Variants in METTL3 observed in about 807,000 individuals in gnomAD.
METTL3 encodes N(6)-adenosine-methyltransferase catalytic subunit METTL3.
A neutral mutation model predicts 64.3 loss-of-function variants in METTL3; 42 were observed. That is an observed-to-expected ratio of 0.65 (90% CI 0.51 to 0.84). The LOEUF is 0.84. Ranked by LOEUF, METTL3 falls within the 40% of genes least tolerant of loss-of-function variation. METTL3 has a pLI of 0.00. For missense variants in METTL3, 435 were observed against 722.3 expected (o/e 0.60, Z 4.56); for synonymous variants, 256 against 263.6 (o/e 0.97, Z 0.28).
intron 1 of METTL3, chr14:21,508,204 A>C (rs1197519137): frequency 6.6e-6 from 1 of 152,284 alleles, no homozygotes; most frequent in Admixed American, 6.6e-5. Context: ...TCGAGACTGC[A>C]GTAAGCTGTG....
In METTL3 at chr14:21,506,010, A is replaced by G. The variant is rs568944201; in HGVS notation, c.101-2129T>C. On this transcript the variant is annotated intron_variant, in intron 1 of 10. Coordinates refer to ENST00000298717, the MANE Select transcript of METTL3 (RefSeq NM_019852.5). ...TACTGGAGCACTTCACATATTTACT[A>G]TGTGCTAAACCTGGCCAAATATAGT... 4.6e-5 allele frequency among the ~76,000 whole-genome samples: 7 copies of G among 152,286 alleles called. No homozygotes were observed. The Middle Eastern group carries it at 0.01, about 222-fold the overall frequency.
rs763660074 is a variant in METTL3, at chr14:21,503,769, T to C, written c.213A>G (p.Glu71=). 1.2e-6 allele frequency: 2 copies of C among 1,614,236 alleles called. No homozygotes were observed. Among genetic ancestry groups the C allele is most frequent in the Non-Finnish European group, 1.7e-6 (2 of 1,180,052 alleles). Residue 71 remains glutamate, a synonymous_variant, in exon 2 of 11, where the codon GAA becomes GAG. Transcript: ENST00000298717. ...PKPSTASAVP[E]LATDPELEKK... ...TCTCTAACTCAGGATCTGTAGCTAA[T>C]TCAGGAACTGCTGAAGCTGTGCTGG...
At chr14:21,500,364 AAAAAAAG>A in intron 6 of METTL3, 124 bp downstream of exon 6, 5 of 746,112 alleles carry the variant, frequency 6.7e-6, no homozygotes, top group African/African-American at 2.7e-5. Flanking sequence ...ACTCTCTCAA[AAAAAAAG>A]AAAAAAAGAC....
chr14:21,508,875 CAA>C (rs1414997028), intron 1 of METTL3, among the ~76,000 whole-genome samples: 2 of 152,120 alleles, frequency 1.3e-5, no homozygotes, highest in Non-Finnish European at 2.9e-5. Flanking sequence ...GCCTGGGCAA[CAA>C]GAGCGAAACT....
chr14:21,499,474 G>C lies in METTL3; in HGVS notation c.1452+18C>G. ...TCTTTGTGCTCCACCTATTGAATTG[G>C]GCCCCACTGCTGCTCACCAAGCAGT... is the stretch of plus-strand genomic sequence containing the variant. On this transcript the variant is annotated intron_variant, in intron 8 of 10. Coordinates refer to ENST00000298717, the MANE Select transcript of METTL3 (RefSeq NM_019852.5). The C allele has an allele frequency of 4.3e-6, 7 of 1,610,148 alleles. No homozygotes were observed. Among genetic ancestry groups the C allele is most frequent in the Non-Finnish European group, 5.9e-6 (7 of 1,176,526 alleles).
At chr14:21,500,775 T>A in intron 5 of METTL3, 93 bp from the exon 6 acceptor site, 2 of 1,463,208 alleles carry the variant, frequency 1.4e-6, no homozygotes, top group Non-Finnish European at 1.9e-6. Context: ...CCTATTCCCT[T>A]AAAAGCTTAT....
chr14:21,506,057 T>G (rs960179351), intron 1 of METTL3, among the ~76,000 whole-genome samples: 1 of 149,270 alleles, frequency 6.7e-6, no homozygotes, highest in African/African-American at 2.4e-5. Flanking sequence ...AAAATAAAGT[T>G]TTTTTTTTTG....
Position 21,507,430 on chromosome 14 carries a change from T to C in METTL3, c.101-3549A>G, listed in dbSNP as rs376229859. Reference sequence around the variant, plus strand: ...ATCCCAGCAATTTGAGAGGCCGAGATGGGCGGATCACGAGGTCAGGAGATC... The same window carrying C: ...ATCCCAGCAATTTGAGAGGCCGAGACGGGCGGATCACGAGGTCAGGAGATC... On this transcript the variant is annotated intron_variant, in intron 1 of 10. Transcript: ENST00000298717. 9.9e-5 allele frequency among the ~76,000 whole-genome samples: 15 copies of C among 152,188 alleles called. No homozygotes were observed. In the East Asian group the frequency reaches 1.4e-3, roughly 14 times the overall value.
chr14:21,510,901 C>G (rs1027024761), intron 1 of METTL3: 22 of 519,344 alleles, frequency 4.2e-5, no homozygotes, highest in Admixed American at 2.2e-4. Flanking sequence ...AGCGTCCGTC[C>G]GGTAAAAGTG....
intron 1 of METTL3, among the ~76,000 whole-genome samples, chr14:21,508,924 C>A (rs111831899): frequency 6.6e-6 from 1 of 152,076 alleles, no homozygotes; most frequent in African/African-American, 2.4e-5. Context: ...TGATGAGGAA[C>A]AATTAAAACC....
At position 21,511,185 on chromosome 14, in the gene METTL3, C is replaced by T. The variant is rs1285362756; in HGVS notation, c.39G>A (p.Lys13=). ...DTWSSIQAHK[K]QLDSLRERLQ... is the part of the protein sequence containing the mutation. ...GCCTCTCCCGCAGAGAGTCCAGCTGCTTCTTGTGGGCCTGGATAGAGCTCC... is the reference window on the plus strand; with the variant it reads ...GCCTCTCCCGCAGAGAGTCCAGCTGTTTCTTGTGGGCCTGGATAGAGCTCC... The change falls in exon 1 of 11, where the codon AAG becomes AAA. Residue 13 remains lysine, a synonymous_variant. Coordinates refer to ENST00000298717, the MANE Select transcript of METTL3 (RefSeq NM_019852.5). 1 of 1,614,126 alleles carries T rather than the reference C, an allele frequency of 6.2e-7. No individual in the cohort carries two copies. Among genetic ancestry groups the T allele is most frequent in the Non-Finnish European group, 8.5e-7 (1 of 1,180,012 alleles).
At chr14:21,501,351 A>G in intron 4 of METTL3, 4 of 572,312 alleles carry the variant, frequency 7.0e-6, no homozygotes, top group Non-Finnish European at 1.2e-5. Flanking sequence ...TTCCTGTTTT[A>G]CCACTGGAAG....
intron 3 of METTL3, 61 bp downstream of exon 3, chr14:21,503,112 C>T: frequency 6.6e-7 from 1 of 1,526,116 alleles, no homozygotes; most frequent in Non-Finnish European, 8.8e-7. Context: ...AGGGGTAAAT[C>T]CCTGTCAAAC....
chr14:21,498,200 T>G lies in METTL3; in HGVS notation c.*58A>C. 1 of 981,708 alleles carries G rather than the reference T, an allele frequency of 1.0e-6. No individual in the cohort carries two copies. Among genetic ancestry groups the G allele is most frequent in the Non-Finnish European group, 1.6e-6 (1 of 609,484 alleles). 60.8% of individuals were successfully genotyped at this position (981,708 alleles called of 1,614,324 possible). A position where few individuals can be genotyped will look rare whatever the true frequency, so the allele number is the denominator to read the frequency against. The stretch of plus-strand genomic sequence containing the variant: ...GAAAGCTATTGTACAAATATCACTC[T>G]TCAGGTTTAGCTTACAGAGCCATGG... On this transcript the variant is annotated 3_prime_UTR_variant, in exon 11 of 11. Coordinates refer to ENST00000298717, the MANE Select transcript of METTL3 (RefSeq NM_019852.5).
chr14:21,503,933 ATATTTCTGAGAAGTCAAATTC>A (rs1566494077), intron 1 of METTL3, 52 bp from the exon 2 acceptor site: 1 of 1,549,556 alleles, frequency 6.5e-7, no homozygotes, highest in Non-Finnish European at 8.8e-7. Context: ...GTTGGTCTAT[ATATTTCTGAGAAGTCAAATTC>A]TCTAGCATTC....
rs1891630388 is a variant in METTL3 at position 21,503,779 on chromosome 14, G to A, written c.203C>T (p.Ala68Val). The change falls in exon 2 of 11, where the codon GCA becomes GTA. Residue 68 changes from alanine (A) to valine (V), a missense_variant. By Grantham distance (64) the Ala-to-Val change is moderately conservative. Around this residue, in one of 9 missense-constraint regions of METTL3, gnomAD observed 228 missense variants for 279.6 expected, o/e 0.82. Transcript: ENST00000298717. ...AGGATCTGTAGCTAATTCAGGAACT[G>A]CTGAAGCTGTGCTGGGCTTAGGGCC... ...SGGPKPSTAS[A>V]VPELATDPEL... 1.2e-6 allele frequency: 2 copies of A among 1,614,260 alleles called. No homozygotes were observed. Among genetic ancestry groups the A allele is most frequent in the East Asian group, 4.5e-5 (2 of 44,884 alleles).
Position 21,503,876 on chromosome 14 carries a change from G to C in METTL3, c.106C>G (p.Arg36Gly). 6.2e-7 allele frequency: 1 copy of C among 1,613,846 alleles called. No individual in the cohort carries two copies. The highest frequency in any genetic ancestry group is 8.5e-7 in the Non-Finnish European group (1 of 1,179,898). Reference protein sequence around the residue: ...RKQDSGHLDLRNPEAALSPTF... With the variant: ...RKQDSGHLDLGNPEAALSPTF... ...GGAGACAATGCTGCCTCTGGATTCC[G>C]TAGATCTAAGAATGAAGAGAAGTGA... is the stretch of plus-strand genomic sequence containing the variant. Residue 36 changes from arginine to glycine, a missense_variant, in exon 2 of 11, where the codon CGG becomes GGG. Physicochemically the swap from Arg to Gly is moderately radical, Grantham distance 125. Around this residue, in one of 9 missense-constraint regions of METTL3, gnomAD observed 228 missense variants for 279.6 expected, o/e 0.82. Transcript: ENST00000298717.
chr14:21,498,551 G>C, intron 10 of METTL3, 182 bp from the exon 11 acceptor site: 1 of 629,456 alleles, frequency 1.6e-6, no homozygotes, highest in Middle Eastern at 4.2e-4. Context: ...CATAGATTCT[G>C]GTGTTAAAAT....
chr14:21,503,383 C>T lies in METTL3; in HGVS notation c.513G>A (p.Gly171=). The change falls in exon 3 of 11, where the codon GGG becomes GGA. Residue 171 remains glycine (G), a synonymous_variant. Coordinates refer to ENST00000298717, the MANE Select transcript of METTL3 (RefSeq NM_019852.5). The stretch of plus-strand genomic sequence containing the variant: ...CACGCCGCTTCTGCCCTGTGACAGT[C>T]CCTGCTACCTCCCCAGGGCCCTTCT... ...AEKKGPGEVA[G]TVTGQKRRAE... is the part of the protein sequence containing the mutation. 6.2e-7 allele frequency: 1 copy of T among 1,614,166 alleles called. No individual in the cohort carries two copies. The highest frequency in any genetic ancestry group is 8.5e-7 in the Non-Finnish European group (1 of 1,180,020).
Sources: allele counts gnomAD v4.1 joint callset (sites outside exome capture counted in the v4.1 genomes callset), GRCh38; gene constraint gnomAD v4.1.1; regional missense constraint gnomAD v4.1.1; transcripts MANE v1.5; gene names NCBI Gene and HGNC (gene_info 2026-07-23, HGNC 2026-07-21).